The following BPI variants were observed in gnomAD, a reference collection of about 807,000 sequenced individuals.
The protein encoded by BPI is bactericidal permeability-increasing protein.
A neutral mutation model predicts 57.6 loss-of-function variants in BPI; 48 were observed. That is an observed-to-expected ratio of 0.83 (90% CI 0.66 to 1.06). The LOEUF (loss-of-function observed/expected upper bound fraction) is 1.06, where lower values mean the gene tolerates loss of function less well. Among genes scored for constraint, BPI ranks in the 50% least tolerant of loss-of-function variants. The probability of loss-of-function intolerance (pLI) is 0.00; values close to 1 mark genes in which losing one functional copy is unlikely to be tolerated. For synonymous variants in BPI, 237 were observed against 238.2 expected (o/e 0.99, Z 0.05); for missense variants, 651 against 609.7 (o/e 1.07, Z -0.71).
intron 1 of BPI, among the ~76,000 whole-genome samples, chr20:38,307,093 G>A (rs2076600413): frequency 6.6e-6 from 1 of 152,026 alleles, no homozygotes; most frequent in Admixed American, 6.5e-5. Flanking sequence ...CAGCTGCTAG[G>A]GAGGCTGAGG....
chr20:38,321,015 AGGTGGGTGTGTTGGTG>A (rs2076680281), intron 7 of BPI, among the ~76,000 whole-genome samples: 3 of 73,232 alleles, frequency 4.1e-5, no homozygotes, highest in Non-Finnish European at 8.1e-5. Context: ...AGTAGATGGG[AGGTGGGTGTGTTGGTG>A]GGTGGGTGTA....
chr20:38,304,321 T>TGGTCAGGATCTCCCAGAAG lies in BPI; in HGVS notation c.101_119dup (p.Leu41GlnfsTer29). On this transcript the variant is annotated frameshift_variant, in exon 1 of 15. Transcript: ENST00000642449. LOFTEE classifies it high-confidence loss of function. The stretch of plus-strand genomic sequence containing the variant: ...ACAGCGGCCGTCAACCCTGGCGTCG[T>TGGTCAGGATCTCCCAGAAG]GGTCAGGATCTCCCAGAAGGGCCTG... The TGGTCAGGATCTCCCAGAAG allele has an allele frequency of 6.2e-7, 1 of 1,614,102 alleles. No individual in the cohort carries two copies. Among genetic ancestry groups the TGGTCAGGATCTCCCAGAAG allele is most frequent in the Non-Finnish European group, 8.5e-7 (1 of 1,180,026 alleles).
At chr20:38,316,601 G>A (rs1468123472) in intron 5 of BPI, among the ~76,000 whole-genome samples, 1 of 152,216 alleles carries the variant, frequency 6.6e-6, no homozygotes. Context: ...CAGTGAGGAG[G>A]TCGGGAGGCA....
At chr20:38,337,086 C>G in intron 14 of BPI, 60 bp from the exon 15 acceptor site, 1 of 1,550,048 alleles carries the variant, frequency 6.5e-7, no homozygotes, top group Non-Finnish European at 8.8e-7. Flanking sequence ...TCCAGTAGCT[C>G]CACACTCACA....
At chr20:38,332,404 G>A (rs2076747246) in intron 12 of BPI, among the ~76,000 whole-genome samples, 1 of 152,188 alleles carries the variant, frequency 6.6e-6, no homozygotes, top group African/African-American at 2.4e-5. Context: ...TGGTGGATTG[G>A]AGATATATTT....
In BPI at chr20:38,327,596, T is replaced by A; in HGVS notation, c.1170T>A (p.Thr390=). The A allele has an allele frequency of 6.2e-7, 1 of 1,613,288 alleles. No homozygotes were observed. The highest frequency in any genetic ancestry group is 8.5e-7 in the Non-Finnish European group (1 of 1,179,672). ...GGTTGTTGTTTTGGCAGCACACAACTGGTTCCATGGAGGTCAGCGCCGAGT... is the reference window on the plus strand; with the variant it reads ...GGTTGTTGTTTTGGCAGCACACAACAGGTTCCATGGAGGTCAGCGCCGAGT... The part of the protein sequence containing the change: ...ASLFLIGMHT[T]GSMEVSAESN... The change falls in exon 11 of 15, where the codon ACT becomes ACA. Residue 390 remains threonine (T), a synonymous_variant. Transcript: ENST00000642449.
intron 6 of BPI, among the ~76,000 whole-genome samples, chr20:38,318,699 C>G (rs1369363150): frequency 6.6e-6 from 1 of 152,162 alleles, no homozygotes; most frequent in Non-Finnish European, 1.5e-5. Context: ...ACCTCATTCC[C>G]TCAGCTCTGC....
At chr20:38,331,169 AT>A in intron 12 of BPI, 79 bp downstream of exon 12, 1 of 1,480,654 alleles carries the variant, frequency 6.8e-7, no homozygotes, top group Non-Finnish European at 9.4e-7. Context: ...GGCTCAAGGC[AT>A]TATTTAAGAG....
chr20:38,329,191 ACACT>A (rs910320903), intron 11 of BPI, among the ~76,000 whole-genome samples: 3 of 151,928 alleles, frequency 2.0e-5, no homozygotes, highest in Non-Finnish European at 4.4e-5. Context: ...AAAGAGGGAG[ACACT>A]CAGAGAAACA....
At chr20:38,319,139 G>A (rs1406927623) in intron 6 of BPI, among the ~76,000 whole-genome samples, 1 of 152,176 alleles carries the variant, frequency 6.6e-6, no homozygotes, top group African/African-American at 2.4e-5. Flanking sequence ...GGAGGCTGAG[G>A]CAGGAGAATC....
intron 5 of BPI, among the ~76,000 whole-genome samples, chr20:38,315,212 G>A (rs1197779239): frequency 1.3e-5 from 2 of 152,148 alleles, no homozygotes; most frequent in African/African-American, 2.4e-5. Flanking sequence ...GGAAGTAATA[G>A]TGCTTGGATT....
intron 1 of BPI, among the ~76,000 whole-genome samples, chr20:38,304,834 C>T (rs971548591): frequency 3.3e-5 from 5 of 152,186 alleles, no homozygotes; most frequent in African/African-American, 9.7e-5. Flanking sequence ...AAGAGGGTCC[C>T]CCCAGACCAC....
chr20:38,324,126 G>C, intron 8 of BPI, 80 bp downstream of exon 8: 1 of 1,498,402 alleles, frequency 6.7e-7, no homozygotes, highest in East Asian at 2.3e-5. Flanking sequence ...TCTGGAAAAA[G>C]CTTTTCTCAC....
chr20:38,313,340 G>A (rs1171937020), intron 5 of BPI, among the ~76,000 whole-genome samples: 2 of 136,362 alleles, frequency 1.5e-5, no homozygotes, highest in African/African-American at 5.6e-5. Context: ...CCAAGATCAT[G>A]CCATTGCACT....
intron 4 of BPI, 106 bp downstream of exon 4, chr20:38,310,758 C>A (rs1233228817): frequency 6.9e-6 from 10 of 1,451,924 alleles, no homozygotes; most frequent in Non-Finnish European, 9.4e-6. Context: ...GCATGCCAGG[C>A]CTTGCTCAGA....
At position 38,337,380 on chromosome 20, in the gene BPI, G is replaced by T; in HGVS notation, c.*196G>T. On this transcript the variant is annotated 3_prime_UTR_variant, in exon 15 of 15. Transcript: ENST00000642449. ...AAAAGTGCATGGTGTGTATTTTAGG[G>T]ATTATGAGCTTCTTTCAAGGGCTAA... 1 of 484,074 alleles carries T rather than the reference G, an allele frequency of 2.1e-6. No homozygotes were observed. Among genetic ancestry groups the T allele is most frequent in the Non-Finnish European group, 3.6e-6 (1 of 280,140 alleles). The allele number at this position is 484,074 out of a possible 1,614,324, so 30.0% of individuals were successfully genotyped here.
At chr20:38,328,872 G>T (rs2076727662) in intron 11 of BPI, among the ~76,000 whole-genome samples, 1 of 151,988 alleles carries the variant, frequency 6.6e-6, no homozygotes, top group Non-Finnish European at 1.5e-5. Context: ...CAGGCATGGT[G>T]GTGCATGCCT....
Position 38,310,600 on chromosome 20 carries a change from T to C in BPI, c.484T>C (p.Cys162Arg). 3.1e-6 allele frequency: 5 copies of C among 1,614,176 alleles called. No homozygotes were observed. The highest frequency in any genetic ancestry group is 4.2e-6 in the Non-Finnish European group (5 of 1,180,024). ...SGKPTITCSSCSSHINSVHVH... is the reference protein window; with the variant it reads ...SGKPTITCSSRSSHINSVHVH... ...CAAGCCCACCATCACCTGCTCCAGC[T>C]GCAGCAGCCACATCAACAGTGTCCA... The change falls in exon 4 of 15, where the codon TGC becomes CGC. Residue 162 changes from cysteine to arginine, a missense_variant. Transcript: ENST00000642449.
rs566908672 is a variant in BPI, at chr20:38,312,794, G to A, written c.600+857G>A. Among the ~76,000 whole-genome samples, 30 of 152,306 alleles carry A rather than the reference G, an allele frequency of 2.0e-4. No homozygotes were observed. In the South Asian group the frequency reaches 2.9e-3, roughly 15 times the overall value. The stretch of plus-strand genomic sequence containing the variant: ...CAGATGGGGGGCATCAATCAAGTGA[G>A]ATCATCTATCTGAAGATACTGTGTC... On this transcript the variant is annotated intron_variant, in intron 5 of 14. Transcript: ENST00000642449.
Sources: allele counts gnomAD v4.1 joint callset (sites outside exome capture counted in the v4.1 genomes callset), GRCh38; gene constraint gnomAD v4.1.1; transcripts MANE v1.5; gene names NCBI Gene and HGNC (gene_info 2026-07-23, HGNC 2026-07-21).